The following STK39 variants were observed in gnomAD, a reference collection of about 807,000 sequenced individuals.
STK39 encodes STE20/SPS1-related proline-alanine-rich protein kinase.
Under a neutral mutation model 77.8 loss-of-function variants are expected in STK39, and 20 were observed. The observed-to-expected ratio is 0.26, with a 90% CI of 0.18 to 0.37. The LOEUF (loss-of-function observed/expected upper bound fraction) is 0.37, where lower values mean the gene tolerates loss of function less well. STK39 is among the 10% of genes least tolerant of loss of function. The probability of loss-of-function intolerance (pLI) is 1.00; values close to 1 mark genes in which losing one functional copy is unlikely to be tolerated. For synonymous variants in STK39, 246 were observed against 234.1 expected, an observed-to-expected ratio of 1.05 and a Z score of -0.47; for missense variants, 479 against 656.5, an observed-to-expected ratio of 0.73 and a Z score of 2.95.
chr2:167,958,863 C>A (rs141001158), intron 17 of STK39, among the ~76,000 whole-genome samples: 1 of 152,210 alleles, frequency 6.6e-6, no homozygotes, highest in African/African-American at 2.4e-5. Context: ...CCATGCATGA[C>A]TTTAAGCATC....
chr2:167,994,349 C>A (rs1683777342), intron 16 of STK39, among the ~76,000 whole-genome samples: 1 of 151,968 alleles, frequency 6.6e-6, no homozygotes, highest in African/African-American at 2.4e-5. Context: ...GAAAAAAAAT[C>A]AATACTACTG....
At chr2:168,077,299 CT>C (rs908660764) in intron 10 of STK39, among the ~76,000 whole-genome samples, 4 of 152,242 alleles carry the variant, frequency 2.6e-5, no homozygotes, top group Admixed American at 1.3e-4. Context: ...AGTTTACGTC[CT>C]TTCCCCCTCT....
At chr2:168,193,328 G>A (rs1269438012) in intron 1 of STK39, among the ~76,000 whole-genome samples, 1 of 152,264 alleles carries the variant, frequency 6.6e-6, no homozygotes, top group East Asian at 1.9e-4. Flanking sequence ...CTCTCACCCA[G>A]AAGCAGGGGC....
chr2:168,143,923 C>G (rs575389472), intron 5 of STK39, among the ~76,000 whole-genome samples: 1 of 152,334 alleles, frequency 6.6e-6, no homozygotes, highest in African/African-American at 2.4e-5. Context: ...CTAGGTACAT[C>G]AACCCTCCAT....
rs142371583 is a variant in STK39, at chr2:168,104,789, C to G, written c.1089+24752G>C. ...AATTACAAATGTATATACCCTTTGA[C>G]CTTGCATTTCCAGTTTGAAAAAGCT... On this transcript the variant is annotated intron_variant, in intron 10 of 17. Coordinates refer to ENST00000355999, the MANE Select transcript of STK39 (RefSeq NM_013233.3). 1.6e-4 allele frequency among the ~76,000 whole-genome samples: 25 copies of G among 152,268 alleles called. No individual in the cohort carries two copies. In the East Asian group the frequency reaches 4.8e-3, roughly 29 times the overall value.
chr2:168,004,594 A>T (rs866281558), intron 16 of STK39, among the ~76,000 whole-genome samples: 1 of 151,728 alleles, frequency 6.6e-6, no homozygotes, highest in Non-Finnish European at 1.5e-5. Flanking sequence ...TTAGCCTGAC[A>T]TGGTGGTGGG....
At chr2:168,226,926 T>C (rs1288730189) in intron 1 of STK39, among the ~76,000 whole-genome samples, 1 of 152,202 alleles carries the variant, frequency 6.6e-6, no homozygotes, top group Non-Finnish European at 1.5e-5. Context: ...GTTAAGTAAA[T>C]TCAGCTGCAC....
intron 1 of STK39, among the ~76,000 whole-genome samples, chr2:168,243,266 G>A (rs186032001): frequency 1.3e-5 from 2 of 152,174 alleles, no homozygotes; most frequent in Admixed American, 6.5e-5. Flanking sequence ...GGAATGCCCA[G>A]GGCTATTTAC....
intron 16 of STK39, among the ~76,000 whole-genome samples, chr2:168,008,574 T>C (rs1334613148): frequency 2.0e-5 from 3 of 152,074 alleles, no homozygotes; most frequent in Non-Finnish European, 4.4e-5. Flanking sequence ...GAATTCAAAA[T>C]AAAAGTCTGG....
At chr2:167,961,951 G>A (rs921953663) in intron 17 of STK39, among the ~76,000 whole-genome samples, 4 of 152,150 alleles carry the variant, frequency 2.6e-5, no homozygotes, top group African/African-American at 9.7e-5. Context: ...ACTCACCCCT[G>A]GTCTAGACTC....
chr2:168,110,401 T>G (rs1013780825), intron 10 of STK39, among the ~76,000 whole-genome samples: 7 of 151,912 alleles, frequency 4.6e-5, no homozygotes, highest in Non-Finnish European at 7.4e-5. Context: ...CCTGGCTAAT[T>G]TTTTATTTTT....
intron 5 of STK39, among the ~76,000 whole-genome samples, chr2:168,152,064 C>A (rs567364454): frequency 1.2e-4 from 18 of 152,310 alleles, no homozygotes; most frequent in African/African-American, 4.3e-4. Flanking sequence ...CCTGGAGCAG[C>A]AACAGAAGGG....
At chr2:168,184,042 C>A (rs1256934042) in intron 1 of STK39, among the ~76,000 whole-genome samples, 2 of 152,156 alleles carry the variant, frequency 1.3e-5, no homozygotes, top group Non-Finnish European at 2.9e-5. Context: ...CAATAAATCT[C>A]CCCCCAGCTC....
intron 10 of STK39, among the ~76,000 whole-genome samples, chr2:168,115,967 A>C (rs369352720): frequency 2.6e-5 from 4 of 152,340 alleles, no homozygotes; most frequent in Admixed American, 6.5e-5. Context: ...GCCACTGAAC[A>C]GTCTCCATGT....
chr2:168,017,234 A>G, intron 14 of STK39, 139 bp from the exon 15 acceptor site: 3 of 457,642 alleles, frequency 6.6e-6, no homozygotes, highest in Non-Finnish European at 7.6e-6. Flanking sequence ...GTATTTTGTT[A>G]ACTGGAAAAG....
chr2:168,092,699 T>C (rs985299473), intron 10 of STK39, among the ~76,000 whole-genome samples: 1 of 152,222 alleles, frequency 6.6e-6, no homozygotes, highest in Non-Finnish European at 1.5e-5. Flanking sequence ...TATCTAAGGA[T>C]CTAATCCTCT....
intron 3 of STK39, among the ~76,000 whole-genome samples, chr2:168,164,238 AT>A (rs1236522912): frequency 6.6e-6 from 1 of 152,178 alleles, no homozygotes; most frequent in Non-Finnish European, 1.5e-5. Context: ...AGAAAGGAGT[AT>A]GAGGCCAGGA....
chr2:168,212,088 C>T (rs1175645135), intron 1 of STK39, among the ~76,000 whole-genome samples: 1 of 152,170 alleles, frequency 6.6e-6, no homozygotes, highest in Admixed American at 6.5e-5. Flanking sequence ...TCCAGTCATC[C>T]AGAACCTTTG....
chr2:168,065,143 T>G (rs1025434740), intron 13 of STK39, among the ~76,000 whole-genome samples, 176 bp downstream of exon 13: 4 of 152,208 alleles, frequency 2.6e-5, no homozygotes, highest in Non-Finnish European at 5.9e-5. Flanking sequence ...GAGCCTATCA[T>G]TTAAAGGTTG....
Sources: gnomAD v4.1 joint callset for allele counts (sites outside exome capture counted in the v4.1 genomes callset) on GRCh38, gnomAD v4.1.1 for gene constraint, MANE v1.5 for transcripts, NCBI Gene and HGNC (gene_info 2026-07-23, HGNC 2026-07-21) for gene names.